LUC7L3: variants seen among roughly 807,000 people sequenced by gnomAD.
The protein encoded by LUC7L3 is LUC7 like 3 pre-mRNA splicing factor.
LUC7L3 carries 6 observed loss-of-function variants against 66.8 expected under a neutral mutation model. The observed-to-expected ratio is 0.09, with a 90% CI of 0.05 to 0.18. The LOEUF is 0.18. Among genes scored for constraint, LUC7L3 ranks in the 10% least tolerant of loss-of-function variants. The pLI is 1.00. For missense variants in LUC7L3, 341 were observed against 531.1 expected, an observed-to-expected ratio of 0.64 and a Z score of 3.52; for synonymous variants, 160 against 174.7, an observed-to-expected ratio of 0.92 and a Z score of 0.66.
At chr17:50,732,080 C>A (rs1969645234) in intron 1 of LUC7L3, among the ~76,000 whole-genome samples, 1 of 152,142 alleles carries the variant, frequency 6.6e-6, no homozygotes, top group South Asian at 2.1e-4. Flanking sequence ...GAAAGGGTAT[C>A]TGTGCTTCAG....
chr17:50,747,232 C>CT (rs757254602), intron 9 of LUC7L3, among the ~76,000 whole-genome samples: 1,175 of 102,940 alleles, frequency 0.011, 18 homozygotes, highest in South Asian at 0.063. Flanking sequence ...TTTTCTTTTT[C>CT]TTTTTTTTTT....
intron 5 of LUC7L3, among the ~76,000 whole-genome samples, chr17:50,743,190 C>T (rs376447893): frequency 3.0e-4 from 29 of 97,992 alleles, no homozygotes; most frequent in African/African-American, 8.1e-4. Flanking sequence ...CATAGTGAGA[C>T]GCTGTCTTTC....
chr17:50,734,808 C>T (rs1390581182), intron 1 of LUC7L3, among the ~76,000 whole-genome samples: 1 of 152,048 alleles, frequency 6.6e-6, no homozygotes, highest in Admixed American at 6.6e-5. Flanking sequence ...GTCATGAGGC[C>T]ATTAGAAGTC....
At chr17:50,742,964 C>A (rs905341956) in intron 5 of LUC7L3, among the ~76,000 whole-genome samples, 2 of 151,908 alleles carry the variant, frequency 1.3e-5, no homozygotes, top group Non-Finnish European at 2.9e-5. Flanking sequence ...TGAAAGAAGC[C>A]GGACAAAAAA....
chr17:50,739,872 A>G (rs1970236219), intron 2 of LUC7L3, among the ~76,000 whole-genome samples: 1 of 152,168 alleles, frequency 6.6e-6, no homozygotes, highest in Admixed American at 6.5e-5. Context: ...AGTTAAGATA[A>G]TTGCTTTTTA....
chr17:50,727,213 G>C (rs1969254763), intron 1 of LUC7L3, among the ~76,000 whole-genome samples: 1 of 152,188 alleles, frequency 6.6e-6, no homozygotes, highest in African/African-American at 2.4e-5. Flanking sequence ...AGGGGAGTTA[G>C]GGTCAGTAAC....
chr17:50,749,326 G>C, intron 9 of LUC7L3: 1 of 1,289,232 alleles, frequency 7.8e-7, no homozygotes, highest in Non-Finnish European at 1.0e-6. Flanking sequence ...AAGGCACAAA[G>C]GGAGGACTTT....
chr17:50,753,421 T>G lies in LUC7L3; in HGVS notation c.*2760T>G, dbSNP rs1436780702. ...ACTGTGTTCATTCTAATAGGCATAATGAATTGTTAAAGAATTTACTAAAAT... is the reference window on the plus strand; with the variant it reads ...ACTGTGTTCATTCTAATAGGCATAAGGAATTGTTAAAGAATTTACTAAAAT... On this transcript the variant is annotated 3_prime_UTR_variant, in exon 10 of 10. Transcript: ENST00000505658. 6.6e-6 allele frequency: 1 copy of G among 152,596 alleles called. No individual in the cohort carries two copies. The highest frequency in any genetic ancestry group is 1.5e-5 in the Non-Finnish European group (1 of 68,034). 9.5% of individuals were successfully genotyped at this position (152,596 alleles called of 1,614,324 possible).
At chr17:50,746,395 C>T in intron 8 of LUC7L3, 147 bp from the exon 9 acceptor site, 1 of 740,708 alleles carries the variant, frequency 1.4e-6, no homozygotes, top group East Asian at 2.6e-5. Context: ...GAAAGATTTT[C>T]AATAATTTTT....
intron 9 of LUC7L3, chr17:50,749,222 A>G: frequency 1.6e-6 from 2 of 1,289,120 alleles, no homozygotes; most frequent in Non-Finnish European, 2.0e-6. Flanking sequence ...TACATAGGGC[A>G]GAAGATAAGA....
chr17:50,743,592 T>C (rs1306448461), intron 5 of LUC7L3, 114 bp from the exon 6 acceptor site: 3 of 660,808 alleles, frequency 4.5e-6, no homozygotes, highest in Non-Finnish European at 7.9e-6. Flanking sequence ...GAGGCTTTTG[T>C]AAATGAAACC....
At position 50,745,763 on chromosome 17, in the gene LUC7L3, G is replaced by C. The variant is rs146274793; in HGVS notation, c.737G>C (p.Arg246Pro). 2.0e-3 allele frequency: 3,191 copies of C among 1,594,910 alleles called. 16 individuals are homozygous for C. Among genetic ancestry groups the C allele is most frequent in the Non-Finnish European group, 1.6e-3 (1,872 of 1,174,860 alleles). Reference sequence around the variant, plus strand: ...ACCGAAGAACCTGATCGTGATGAGCGTCTAAAAAAGGAGAAGCAAGAAAGA... The same window carrying C: ...ACCGAAGAACCTGATCGTGATGAGCCTCTAAAAAAGGAGAAGCAAGAAAGA... ...KRTEEPDRDE[R>P]LKKEKQEREE... is the part of the protein sequence containing the mutation. Residue 246 changes from arginine to proline, a missense_variant, in exon 8 of 10, where the codon CGT (arginine) becomes CCT (proline). Physicochemically the swap from Arg to Pro is moderately radical, Grantham distance 103. Around this residue, in one of 6 missense-constraint regions of LUC7L3, gnomAD observed 210 missense variants for 238.1 expected, o/e 0.88. Transcript: ENST00000505658.
In LUC7L3 at chr17:50,745,826, A is replaced by G. The variant is rs911969080; in HGVS notation, c.800A>G (p.Glu267Gly). ...AAAGAACGGGAGAGAGAAAGGGAAG[A>G]AAGAGAAAGGAAAAGACGAAGGGAA... ...REKERERERE[E>G]RERKRRREEE... is the part of the protein sequence containing the mutation. Residue 267 changes from glutamate (E) to glycine (G), a missense_variant, in exon 8 of 10, where the codon GAA becomes GGA. By Grantham distance (98) the Glu-to-Gly change is moderately conservative (BLOSUM62 -2). Coordinates refer to ENST00000505658, the MANE Select transcript of LUC7L3 (RefSeq NM_016424.5). The G allele has an allele frequency of 3.8e-6, 6 of 1,588,564 alleles. No homozygotes were observed. Among genetic ancestry groups the G allele is most frequent in the Non-Finnish European group, 5.2e-6 (6 of 1,161,670 alleles).
At position 50,752,710 on chromosome 17, in the gene LUC7L3, A is replaced by G. The variant is rs572289174; in HGVS notation, c.*2049A>G. Reference sequence around the variant, plus strand: ...TTTTCTAATAAAGTTATTGACTCTGAACTAGTCCCCTGTTTTAAATACAAG... The same window carrying G: ...TTTTCTAATAAAGTTATTGACTCTGGACTAGTCCCCTGTTTTAAATACAAG... On this transcript the variant is annotated 3_prime_UTR_variant, in exon 10 of 10. Transcript: ENST00000505658. The G allele has an allele frequency of 3.3e-5, 5 of 152,564 alleles. No homozygotes were observed. The highest frequency in any genetic ancestry group is 1.2e-4 in the African/African-American group (5 of 41,578). 9.5% of individuals were successfully genotyped at this position (152,564 alleles called of 1,614,324 possible). A position where few individuals can be genotyped will look rare whatever the true frequency, so the allele number is the denominator to read the frequency against.
intron 1 of LUC7L3, among the ~76,000 whole-genome samples, chr17:50,733,592 G>A (rs1193325393): frequency 1.3e-5 from 2 of 151,920 alleles, no homozygotes; most frequent in African/African-American, 4.8e-5. Context: ...TAGTAGAGAC[G>A]GGGTTTCACC....
At chr17:50,740,248 GC>G in intron 2 of LUC7L3, 57 bp from the exon 3 acceptor site, 2 of 1,250,604 alleles carry the variant, frequency 1.6e-6, no homozygotes, top group Non-Finnish European at 2.3e-6. Flanking sequence ...TTTTTTTTTG[GC>G]AAGAAAAGGT....
intron 1 of LUC7L3, 65 bp from the exon 2 acceptor site, chr17:50,736,895 C>A: frequency 1.1e-6 from 1 of 916,926 alleles, no homozygotes; most frequent in Non-Finnish European, 1.8e-6. Context: ...AGTTATTTGG[C>A]ACCTTTCTCC....
At chr17:50,727,359 C>T (rs1969263078) in intron 1 of LUC7L3, among the ~76,000 whole-genome samples, 1 of 152,178 alleles carries the variant, frequency 6.6e-6, no homozygotes, top group Admixed American at 6.5e-5. Context: ...ACTGCTTCCA[C>T]TCATGGCAGA....
chr17:50,724,047 A>T (rs1968987417), intron 1 of LUC7L3: 1 of 441,486 alleles, frequency 2.3e-6, no homozygotes, highest in Non-Finnish European at 4.6e-6. Flanking sequence ...TTCCCAAAAC[A>T]TACAGAATTA....
Sources: allele counts gnomAD v4.1 joint callset (sites outside exome capture counted in the v4.1 genomes callset), GRCh38; gene constraint gnomAD v4.1.1; regional missense constraint gnomAD v4.1.1; transcripts MANE v1.5; gene names NCBI Gene and HGNC (gene_info 2026-07-23, HGNC 2026-07-21).